The following REV3L variants were observed in gnomAD, a reference collection of about 807,000 sequenced individuals.
REV3L encodes the protein REV3 like, DNA directed polymerase zeta catalytic subunit.
Under a neutral mutation model 299.4 loss-of-function variants are expected in REV3L, and 69 were observed. The ratio of observed to expected loss-of-function variants is 0.23; its 90% CI spans 0.19 to 0.28. REV3L has a LOEUF of 0.28. Ranked by LOEUF, REV3L falls within the 10% of genes least tolerant of loss-of-function variation. The pLI is 1.00. For missense variants in REV3L, 3,128 were observed against 3,693.8 expected (o/e 0.85, Z 3.97); for synonymous variants, 1,238 against 1,271.4 (o/e 0.97, Z 0.56).
intron 30 of REV3L, 29 bp downstream of exon 30, chr6:111,309,824 A>G (rs1478979716): frequency 6.3e-6 from 10 of 1,599,966 alleles, no homozygotes; most frequent in Non-Finnish European, 7.7e-6. Flanking sequence ...CTCCATAGTT[A>G]GAGCACATGT....
chr6:111,340,802 A>G (rs1776401772), intron 21 of REV3L, among the ~76,000 whole-genome samples: 1 of 152,004 alleles, frequency 6.6e-6, no homozygotes, highest in Non-Finnish European at 1.5e-5. Context: ...CTTCTCATAT[A>G]ACATAATCCA....
chr6:111,361,048 C>T (rs991902723), intron 16 of REV3L, among the ~76,000 whole-genome samples: 3 of 152,032 alleles, frequency 2.0e-5, no homozygotes, highest in Non-Finnish European at 4.4e-5. Context: ...ACTCCTCCCA[C>T]AAACCCAAAT....
rs1772826457 is a variant in REV3L, at chr6:111,310,251, T to C, written c.8796-152A>G. Reference sequence around the variant, plus strand: ...AATTACTATTTCTTTGAGAATAATATATATACATTTTGCTTAGTTGACACC... The same window carrying C: ...AATTACTATTTCTTTGAGAATAATACATATACATTTTGCTTAGTTGACACC... On this transcript the variant is annotated intron_variant, in intron 29 of 31. Coordinates refer to ENST00000368802, the MANE Select transcript of REV3L (RefSeq NM_001372078.1). 3.0e-6 allele frequency: 3 copies of C among 998,432 alleles called. No individual in the cohort carries two copies. In the Admixed American group the frequency reaches 1.1e-4, roughly 35 times the overall value. The allele number at this position is 998,432 out of a possible 1,614,324, so 61.8% of individuals were successfully genotyped here.
chr6:111,372,829 T>C lies in REV3L; in HGVS notation c.5526A>G (p.Ser1842=). ...VACEDLELYV[S]RNNDMLTPTP... ...TTGGTGTCAACATATCATTGTTTCT[T>C]GAAACATACAGTTCTAAATCTTCAC... is the stretch of plus-strand genomic sequence containing the variant. The change falls in exon 13 of 32, where the codon TCA becomes TCG. Residue 1842 remains serine (S), a synonymous_variant. Coordinates refer to ENST00000368802, the MANE Select transcript of REV3L (RefSeq NM_001372078.1). The C allele has an allele frequency of 6.2e-7, 1 of 1,613,892 alleles. No homozygotes were observed. The highest frequency in any genetic ancestry group is 8.5e-7 in the Non-Finnish European group (1 of 1,179,862).
At chr6:111,337,997 C>A (rs1050440304) in intron 21 of REV3L, among the ~76,000 whole-genome samples, 2 of 152,106 alleles carry the variant, frequency 1.3e-5, no homozygotes, top group Non-Finnish European at 2.9e-5. Context: ...AATAGTGAGA[C>A]ACCAACATAA....
chr6:111,395,477 G>A (rs1026282043), intron 4 of REV3L, among the ~76,000 whole-genome samples: 1 of 152,002 alleles, frequency 6.6e-6, no homozygotes, highest in Non-Finnish European at 1.5e-5. Flanking sequence ...TTAATAAATG[G>A]GATTGTGTTC....
chr6:111,310,928 A>G (rs1772904190), intron 29 of REV3L, 141 bp downstream of exon 29: 2 of 539,606 alleles, frequency 3.7e-6, no homozygotes, highest in Admixed American at 7.1e-5. Flanking sequence ...GGGAATATTC[A>G]CTAACTTTCA....
chr6:111,353,746 A>G (rs1381399149), intron 18 of REV3L: 1 of 152,224 alleles, frequency 6.6e-6, no homozygotes, highest in Non-Finnish European at 1.5e-5. Flanking sequence ...CACTCAAGGA[A>G]AGAGAAATAT....
At chr6:111,415,442 G>C (rs1310051217) in intron 2 of REV3L, among the ~76,000 whole-genome samples, 1 of 152,128 alleles carries the variant, frequency 6.6e-6, no homozygotes, top group Non-Finnish European at 1.5e-5. Context: ...TGACAGACTG[G>C]AATTGAGTGT....
Position 111,374,898 on chromosome 6 carries a change from G to A in REV3L, c.3457C>T (p.Pro1153Ser), listed in dbSNP as rs1170336290. 3 of 1,613,470 alleles carry A rather than the reference G, an allele frequency of 1.9e-6. No homozygotes were observed. The highest frequency in any genetic ancestry group is 1.7e-5 in the Admixed American group (1 of 59,918). Reference protein sequence around the residue: ...AEKEAMLFKGPNVYKKTVNSR... With the variant: ...AEKEAMLFKGSNVYKKTVNSR... ...TTAACAGTCTTCTTATATACATTAG[G>A]ACCCTTAAAAAGCATTGCCTCTTTT... The change falls in exon 13 of 32, where the codon CCT (proline) becomes TCT (serine). Residue 1153 changes from proline to serine, a missense_variant. Physicochemically the swap from Pro to Ser is moderately conservative, Grantham distance 74 (BLOSUM62 -1). Around this residue, in one of 9 missense-constraint regions of REV3L, gnomAD observed 2,409 missense variants for 2,611.8 expected, o/e 0.92. Transcript: ENST00000368802.
intron 1 of REV3L, among the ~76,000 whole-genome samples, chr6:111,424,648 A>C (rs1415963023): frequency 6.6e-6 from 1 of 152,224 alleles, no homozygotes; most frequent in African/African-American, 2.4e-5. Flanking sequence ...GAGGAGCCGG[A>C]ACCCATTTGG....
chr6:111,384,782 A>G (rs2128248925), intron 9 of REV3L, among the ~76,000 whole-genome samples: 1 of 152,336 alleles, frequency 6.6e-6, no homozygotes, highest in Non-Finnish European at 1.5e-5. Context: ...TGTCGAGTTG[A>G]AGAGATATCT....
Position 111,376,489 on chromosome 6 carries a change from A to T in REV3L, c.1866T>A (p.Thr622=). ...AAGATCCAGGGTATTTCATAGAATA[A>T]GTGCTTTCGTTTGTAAAAGAAGTGA... ...NSVTSFTNES[T]YSMKYPGSLS... The change falls in exon 13 of 32, where the codon ACT becomes ACA. Residue 622 remains threonine, a synonymous_variant. Coordinates refer to ENST00000368802, the MANE Select transcript of REV3L (RefSeq NM_001372078.1). The T allele has an allele frequency of 6.2e-7, 1 of 1,613,422 alleles. No individual in the cohort carries two copies.
chr6:111,365,164 C>A, intron 15 of REV3L, 101 bp downstream of exon 15: 3 of 782,398 alleles, frequency 3.8e-6, no homozygotes, highest in African/African-American at 1.9e-5. Context: ...ATTTAAGTAA[C>A]CAAAATTTTT....
Position 111,482,845 on chromosome 6 carries a change from C to T in REV3L, c.44G>A (p.Ser15Asn). ...GCAGGTATCCAGCCCCTGCAGCGGG[C>T]TGGCCATGTAGTAGTCTGCAGTCAC... Reference protein sequence around the residue: ...RIVTADYYMASPLQGLDTCQS... With the variant: ...RIVTADYYMANPLQGLDTCQS... Residue 15 changes from serine (S) to asparagine (N), a missense_variant, in exon 1 of 32, where the codon AGC (serine) becomes AAC (asparagine). Ser to Asn is a conservative substitution (Grantham distance 46). Around this residue, in one of 9 missense-constraint regions of REV3L, gnomAD observed 48 missense variants for 42.8 expected, o/e 1.12. Coordinates refer to ENST00000368802, the MANE Select transcript of REV3L (RefSeq NM_001372078.1). The T allele has an allele frequency of 6.6e-7, 1 of 1,511,118 alleles. No individual in the cohort carries two copies. The allele number at this position is 1,511,118 out of a possible 1,614,324, so 93.6% of individuals were successfully genotyped here. A position where few individuals can be genotyped will look rare whatever the true frequency, so the allele number is the denominator to read the frequency against.
At position 111,367,543 on chromosome 6, in the gene REV3L, G is replaced by A. The variant is rs186062188; in HGVS notation, c.6245C>T (p.Thr2082Met). The A allele has an allele frequency of 2.0e-5, 32 of 1,613,264 alleles. No individual in the cohort carries two copies. Among genetic ancestry groups the A allele is most frequent in the South Asian group, 6.6e-5 (6 of 91,060 alleles). Residue 2082 changes from threonine (T) to methionine (M), a missense_variant, in exon 14 of 32, where the codon ACG becomes ATG. This residue lies in a region of REV3L where 2,409 missense variants were observed against 2,611.8 expected (regional missense o/e 0.92). Coordinates refer to ENST00000368802, the MANE Select transcript of REV3L (RefSeq NM_001372078.1). ...NSQIALQAPTTGCSQTASESQ... is the reference protein window; with the variant it reads ...NSQIALQAPTMGCSQTASESQ... ...TTCACTTGCAGTTTGACTACATCCCGTGGTTGGTGCTTGTAAAGCAATCTG... is the reference window on the plus strand; with the variant it reads ...TTCACTTGCAGTTTGACTACATCCCATGGTTGGTGCTTGTAAAGCAATCTG...
Position 111,431,435 on chromosome 6 carries a change from G to A in REV3L, c.140-14963C>T, listed in dbSNP as rs1415213788. ...TTCCGGTTAAAGTTTTTGATTCTGA[G>A]GAAGCTGAAATATTCCAGAAGAAAC... On this transcript the variant is annotated intron_variant, in intron 1 of 31. Transcript: ENST00000368802. The A allele has an allele frequency of 3.9e-6, 4 of 1,028,308 alleles. No individual in the cohort carries two copies. The East Asian group carries it at 7.1e-5, about 18-fold the overall frequency. 63.7% of individuals were successfully genotyped at this position (1,028,308 alleles called of 1,614,324 possible).
At position 111,365,227 on chromosome 6, in the gene REV3L, C is replaced by T. The variant is rs767915582; in HGVS notation, c.6753+38G>A. The T allele has an allele frequency of 1.8e-5, 21 of 1,199,014 alleles. No individual in the cohort carries two copies. The East Asian group carries it at 2.7e-4, about 16-fold the overall frequency. 74.3% of individuals were successfully genotyped at this position (1,199,014 alleles called of 1,614,324 possible). On this transcript the variant is annotated intron_variant, in intron 15 of 31. Transcript: ENST00000368802. Reference sequence around the variant, plus strand: ...AACTGAAATCTAGGAAAAAGACTGGCTCTTCCACTGATCTTTAAAAATGTT... The same window carrying T: ...AACTGAAATCTAGGAAAAAGACTGGTTCTTCCACTGATCTTTAAAAATGTT...
chr6:111,310,270 T>C (rs1562100362), intron 29 of REV3L, 171 bp from the exon 30 acceptor site: 1 of 708,128 alleles, frequency 1.4e-6, no homozygotes. Context: ...TTTGCTTAGT[T>C]GACACCAAGT....
Sources: allele counts gnomAD v4.1 joint callset (sites outside exome capture counted in the v4.1 genomes callset), GRCh38; gene constraint gnomAD v4.1.1; regional missense constraint gnomAD v4.1.1; transcripts MANE v1.5; gene names NCBI Gene and HGNC (gene_info 2026-07-23, HGNC 2026-07-21).